ALPK1: variants seen among roughly 807,000 people sequenced by gnomAD.
ALPK1 encodes alpha kinase 1.
ALPK1 carries 110 observed loss-of-function variants against 120.6 expected under a neutral mutation model. That is an observed-to-expected ratio of 0.91 (90% CI 0.78 to 1.07). ALPK1 has a LOEUF of 1.07. Among genes scored for constraint, ALPK1 ranks in the 50% least tolerant of loss-of-function variants. The pLI, the probability that ALPK1 is intolerant of heterozygous loss-of-function variation, is 0.00. For missense variants in ALPK1, 1,498 were observed against 1,483.9 expected, an observed-to-expected ratio of 1.01 and a Z score of -0.16; for synonymous variants, 582 against 560.3, an observed-to-expected ratio of 1.04 and a Z score of -0.55.
intron 1 of ALPK1, among the ~76,000 whole-genome samples, chr4:112,301,613 G>A (rs1390326406): frequency 6.6e-6 from 1 of 152,094 alleles, no homozygotes; most frequent in Non-Finnish European, 1.5e-5. Context: ...TTATTCCCAA[G>A]CACATGTTCT....
chr4:112,432,075 G>A lies in ALPK1; in HGVS notation c.2528G>A (p.Gly843Asp). 4 of 1,614,070 alleles carry A rather than the reference G, an allele frequency of 2.5e-6. No individual in the cohort carries two copies. In the South Asian group the frequency reaches 4.4e-5, roughly 18 times the overall value. ...RKSGGPVAEQGIDPDASTVDE... is the reference protein window; with the variant it reads ...RKSGGPVAEQDIDPDASTVDE... The stretch of plus-strand genomic sequence containing the variant: ...AGTGGTGGCCCAGTCGCAGAGCAGG[G>A]CATCGACCCTGATGCCTCCACAGTG... The change falls in exon 11 of 16, where the codon GGC becomes GAC. Residue 843 changes from glycine (G) to aspartate (D), a missense_variant. Gly to Asp is a moderately conservative substitution (Grantham distance 94). Coordinates refer to ENST00000650871, the MANE Select transcript of ALPK1 (RefSeq NM_025144.4).
chr4:112,319,075 T>A (rs141758701), intron 2 of ALPK1, among the ~76,000 whole-genome samples: 69 of 152,184 alleles, frequency 4.5e-4, no homozygotes, highest in Non-Finnish European at 7.1e-4. Context: ...GGGCAGCACA[T>A]GAAGCATAAA....
Position 112,431,316 on chromosome 4 carries a change from G to A in ALPK1, c.1769G>A (p.Ser590Asn), listed in dbSNP as rs1734538997. 3 of 1,614,080 alleles carry A rather than the reference G, an allele frequency of 1.9e-6. No homozygotes were observed. In the African/African-American group the frequency reaches 4.0e-5, roughly 22 times the overall value. Residue 590 changes from serine (S) to asparagine (N), a missense_variant, in exon 11 of 16, where the codon AGT (serine) becomes AAT (asparagine). Coordinates refer to ENST00000650871, the MANE Select transcript of ALPK1 (RefSeq NM_025144.4). ...SSAWSNLSGF[S>N]SSASWEEVNY... The stretch of plus-strand genomic sequence containing the variant: ...GCTTGGAGCAACTTATCAGGGTTTA[G>A]TTCCTCTGCAAGCTGGGAGGAAGTG...
At chr4:112,355,485 G>A (rs967725329) in intron 2 of ALPK1, among the ~76,000 whole-genome samples, 5 of 152,194 alleles carry the variant, frequency 3.3e-5, no homozygotes, top group African/African-American at 1.2e-4. Flanking sequence ...CAAATTTTCA[G>A]GAAAGCGGTC....
chr4:112,338,187 G>A (rs938675525), intron 2 of ALPK1, among the ~76,000 whole-genome samples: 10 of 152,076 alleles, frequency 6.6e-5, no homozygotes, highest in African/African-American at 2.4e-4. Flanking sequence ...GGCCAGTCTC[G>A]AACTCCTGAC....
chr4:112,384,713 T>C (rs889029212), intron 4 of ALPK1: 1 of 152,260 alleles, frequency 6.6e-6, no homozygotes, highest in African/African-American at 2.4e-5. Flanking sequence ...AGCCACTGTT[T>C]GCAGGAAAGA....
At chr4:112,352,484 A>G (rs1290138529) in intron 2 of ALPK1, among the ~76,000 whole-genome samples, 2 of 152,244 alleles carry the variant, frequency 1.3e-5, no homozygotes, top group Non-Finnish European at 2.9e-5. Context: ...CTCTGATATT[A>G]TAGAAAATGG....
At position 112,426,525 on chromosome 4, in the gene ALPK1, T is replaced by A; in HGVS notation, c.681T>A (p.Leu227=). 2 of 1,578,952 alleles carry A rather than the reference T, an allele frequency of 1.3e-6. No individual in the cohort carries two copies. The highest frequency in any genetic ancestry group is 2.4e-5 in the South Asian group (2 of 84,404). ...IWASIVGYLA[L]PQPDKKGLST... is the part of the protein sequence containing the mutation. The stretch of plus-strand genomic sequence containing the variant: ...CCTCCATTGTAGGATATTTGGCACT[T>A]CCTCAGCCGGATAAAAAGGTGGTTT... Residue 227 remains leucine (L), a synonymous_variant, in exon 8 of 16, where the codon CTT becomes CTA. Coordinates refer to ENST00000650871, the MANE Select transcript of ALPK1 (RefSeq NM_025144.4).
chr4:112,399,928 T>C (rs1235102843), intron 4 of ALPK1, among the ~76,000 whole-genome samples: 1 of 152,156 alleles, frequency 6.6e-6, no homozygotes, highest in African/African-American at 2.4e-5. Flanking sequence ...GGACATGGAG[T>C]CATTCTTTTT....
At chr4:112,388,061 G>C (rs1732232172) in intron 4 of ALPK1, among the ~76,000 whole-genome samples, 1 of 152,110 alleles carries the variant, frequency 6.6e-6, no homozygotes, top group African/African-American at 2.4e-5. Flanking sequence ...ACTTTGCTAG[G>C]GATAATGGCC....
At chr4:112,356,305 G>A in intron 2 of ALPK1, 1 of 978,746 alleles carries the variant, frequency 1.0e-6, no homozygotes, top group Non-Finnish European at 1.7e-6. Flanking sequence ...CCCTGGCCTG[G>A]CGAGAACACC....
chr4:112,323,424 C>T (rs1728952235), intron 2 of ALPK1, among the ~76,000 whole-genome samples: 1 of 152,150 alleles, frequency 6.6e-6, no homozygotes, highest in Admixed American at 6.5e-5. Context: ...AATTCCAGAA[C>T]TATGTCTAAT....
At chr4:112,388,224 G>A (rs1185237942) in intron 4 of ALPK1, among the ~76,000 whole-genome samples, 1 of 152,036 alleles carries the variant, frequency 6.6e-6, no homozygotes, top group African/African-American at 2.4e-5. Context: ...GATGTTAGAG[G>A]GGTGAGATTT....
intron 5 of ALPK1, among the ~76,000 whole-genome samples, chr4:112,422,250 T>A (rs906124922): frequency 6.6e-6 from 1 of 152,242 alleles, no homozygotes; most frequent in Non-Finnish European, 1.5e-5. Context: ...GGTTGACTGC[T>A]GGTAACTGAA....
chr4:112,340,984 ATT>A (rs1729837919), intron 2 of ALPK1, among the ~76,000 whole-genome samples: 1 of 152,162 alleles, frequency 6.6e-6, no homozygotes, highest in Non-Finnish European at 1.5e-5. Flanking sequence ...CCCCCTAAAG[ATT>A]TTATCTCAAT....
chr4:112,335,740 C>T (rs1729587535), intron 2 of ALPK1, among the ~76,000 whole-genome samples: 2 of 152,126 alleles, frequency 1.3e-5, no homozygotes, highest in Non-Finnish European at 2.9e-5. Context: ...GAAAGCTTGA[C>T]CTAGTTAAAT....
chr4:112,435,491 A>C lies in ALPK1; in HGVS notation c.3188+190A>C, dbSNP rs531883531. 3.9e-5 allele frequency among the ~76,000 whole-genome samples: 6 copies of C among 152,330 alleles called. No individual in the cohort carries two copies. In the South Asian group the frequency reaches 1.0e-3, roughly 26 times the overall value. ...ACTATATATTGAGGACCCACGTTAC[A>C]TCAGCTGTTTTGCTGGATGTTTTAG... On this transcript the variant is annotated intron_variant, in intron 12 of 15. Transcript: ENST00000650871.
chr4:112,351,803 G>A (rs1348604568), intron 2 of ALPK1, among the ~76,000 whole-genome samples: 1 of 152,162 alleles, frequency 6.6e-6, no homozygotes, highest in Non-Finnish European at 1.5e-5. Flanking sequence ...TAAATAGAAT[G>A]AAAAGATAAG....
At chr4:112,376,310 C>T (rs1487893620) in intron 2 of ALPK1, among the ~76,000 whole-genome samples, 2 of 152,168 alleles carry the variant, frequency 1.3e-5, no homozygotes, top group Non-Finnish European at 2.9e-5. Flanking sequence ...TCTTCATCAA[C>T]AAATACATTA....
Sources: allele counts gnomAD v4.1 joint callset (sites outside exome capture counted in the v4.1 genomes callset), GRCh38; gene constraint gnomAD v4.1.1; transcripts MANE v1.5; gene names NCBI Gene and HGNC (gene_info 2026-07-23, HGNC 2026-07-21).